The following CDH13 variants were observed in gnomAD, a reference collection of about 807,000 sequenced individuals.
CDH13 encodes the protein cadherin-13.
A neutral mutation model predicts 63.8 loss-of-function variants in CDH13; 24 were observed. The ratio of observed to expected loss-of-function variants is 0.38; its 90% CI spans 0.27 to 0.53. CDH13 has a LOEUF of 0.53. Among genes scored for constraint, CDH13 ranks in the 20% least tolerant of loss-of-function variants. CDH13 has a pLI of 0.85. For missense variants in CDH13, 1,049 were observed against 903.1 expected (o/e 1.16, Z -2.07); for synonymous variants, 503 against 355.3 (o/e 1.42, Z -4.67).
intron 6 of CDH13, among the ~76,000 whole-genome samples, chr16:83,381,693 A>G (rs2091570224): frequency 6.6e-6 from 1 of 151,912 alleles, no homozygotes. Flanking sequence ...ATTCCAAACC[A>G]AAGCTGCACA....
intron 2 of CDH13, among the ~76,000 whole-genome samples, chr16:82,963,657 G>A (rs946617795): frequency 1.1e-4 from 16 of 152,218 alleles, no homozygotes; most frequent in South Asian, 2.1e-4. Context: ...GGGAGAGAGC[G>A]CATATCTGCT....
At chr16:83,066,074 T>C (rs950951038) in intron 3 of CDH13, among the ~76,000 whole-genome samples, 1 of 152,234 alleles carries the variant, frequency 6.6e-6, no homozygotes, top group African/African-American at 2.4e-5. Flanking sequence ...TCATGGATTA[T>C]ATTGTGATTT....
rs138699525 is a variant in CDH13 at position 82,835,869 on chromosome 16, T to A, written c.46-22493T>A. 1.4e-4 allele frequency among the ~76,000 whole-genome samples: 21 copies of A among 152,268 alleles called. 1 individual carries two copies. In the South Asian group the frequency reaches 4.1e-3, roughly 30 times the overall value. ...TCAGTCTATGACAATAAAATGAATG[T>A]ATGTCTTGATCACACCAGGAAGTCT... is the stretch of plus-strand genomic sequence containing the variant. On this transcript the variant is annotated intron_variant, in intron 1 of 13. Transcript: ENST00000567109.
At chr16:83,729,226 T>A (rs1910773938) in intron 10 of CDH13, among the ~76,000 whole-genome samples, 1 of 152,196 alleles carries the variant, frequency 6.6e-6, no homozygotes, top group African/African-American at 2.4e-5. Context: ...ATTATTTATG[T>A]GCATATACAT....
chr16:83,368,660 C>G (rs1171781337), intron 6 of CDH13, among the ~76,000 whole-genome samples: 1 of 139,556 alleles, frequency 7.2e-6, no homozygotes, highest in Non-Finnish European at 1.6e-5. Flanking sequence ...AGTCTCGTAT[C>G]CGTTGCCATG....
intron 8 of CDH13, among the ~76,000 whole-genome samples, chr16:83,628,900 G>C (rs1910548827): frequency 6.6e-6 from 1 of 152,118 alleles, no homozygotes; most frequent in Non-Finnish European, 1.5e-5. Context: ...AATGCTTCTG[G>C]CTTTTAGAAT....
At chr16:82,722,911 T>C (rs1056010690) in intron 1 of CDH13, 5 of 152,238 alleles carry the variant, frequency 3.3e-5, no homozygotes, top group Non-Finnish European at 5.9e-5. Flanking sequence ...AAATGGCACC[T>C]GGGGCCAAGG....
chr16:83,527,486 G>C (rs1463890474), intron 7 of CDH13, among the ~76,000 whole-genome samples: 1 of 152,042 alleles, frequency 6.6e-6, no homozygotes, highest in Non-Finnish European at 1.5e-5. Flanking sequence ...TGGGAATTCA[G>C]ATACAAAAAG....
chr16:83,622,427 G>T (rs1176525204), intron 8 of CDH13, among the ~76,000 whole-genome samples: 1 of 152,160 alleles, frequency 6.6e-6, no homozygotes, highest in Non-Finnish European at 1.5e-5. Context: ...ACTCGGACGA[G>T]AAAGTCAAAA....
chr16:83,091,838 A>T (rs1431481078), intron 3 of CDH13, among the ~76,000 whole-genome samples: 4 of 152,198 alleles, frequency 2.6e-5, no homozygotes, highest in African/African-American at 9.7e-5. Flanking sequence ...TCATTTTTTA[A>T]AAGATCTAGA....
intron 1 of CDH13, among the ~76,000 whole-genome samples, chr16:82,696,365 G>T (rs1302418416): frequency 6.6e-6 from 1 of 152,148 alleles, no homozygotes; most frequent in Admixed American, 6.5e-5. Context: ...GTCAATGTAA[G>T]TTAATCAGAA....
At chr16:83,508,099 A>AAGGAAGGAAGGAAGGAAGGAAG (rs1491205296) in intron 7 of CDH13, among the ~76,000 whole-genome samples, 702 of 59,732 alleles carry the variant, frequency 0.012, 57 homozygotes, top group African/African-American at 0.019. Context: ...AAGGAAGGAA[A>AAGGAAGGAAGGAAGGAAGGAAG]GAAGGAAGGA....
intron 5 of CDH13, among the ~76,000 whole-genome samples, chr16:83,233,276 G>A (rs2040054343): frequency 6.6e-6 from 1 of 152,192 alleles, no homozygotes; most frequent in Non-Finnish European, 1.5e-5. Context: ...TATGCGTGAA[G>A]CCGACCCTTA....
intron 2 of CDH13, among the ~76,000 whole-genome samples, chr16:82,905,585 C>T (rs565503551): frequency 7.9e-5 from 12 of 152,162 alleles, no homozygotes; most frequent in African/African-American, 2.9e-4. Context: ...TTTCCTTAAC[C>T]AGTACTGTCT....
In CDH13 at chr16:83,016,917, G is replaced by T. The variant is rs377548631; in HGVS notation, c.158-15093G>T. Among the ~76,000 whole-genome samples, 45 of 152,160 alleles carry T rather than the reference G, an allele frequency of 3.0e-4. 1 individual carries two copies. The highest frequency in any genetic ancestry group is 5.9e-4 in the Non-Finnish European group (40 of 68,022). On this transcript the variant is annotated intron_variant, in intron 2 of 13. Transcript: ENST00000567109. ...TCTGAAGTCCTTGGATCAAATTTCT[G>T]TGCTGTTCTTTTCTCCTCCATGGTG... is the stretch of plus-strand genomic sequence containing the variant.
intron 5 of CDH13, among the ~76,000 whole-genome samples, chr16:83,272,792 G>A (rs986662410): frequency 6.6e-6 from 1 of 152,168 alleles, no homozygotes; most frequent in East Asian, 1.9e-4. Context: ...GAGTCAACGT[G>A]GGAAATGTGG....
At chr16:82,809,965 A>T (rs1383137252) in intron 1 of CDH13, among the ~76,000 whole-genome samples, 1 of 152,192 alleles carries the variant, frequency 6.6e-6, no homozygotes, top group African/African-American at 2.4e-5. Context: ...AAAACATGTC[A>T]GTTCATTCTC....
chr16:83,787,088 CATG>C (rs1358630284), intron 13 of CDH13, among the ~76,000 whole-genome samples: 2 of 152,226 alleles, frequency 1.3e-5, no homozygotes, highest in Non-Finnish European at 2.9e-5. Flanking sequence ...CACATTCACA[CATG>C]ACACATACAG....
chr16:83,457,207 C>A (rs1007751170), intron 6 of CDH13, among the ~76,000 whole-genome samples: 1 of 152,194 alleles, frequency 6.6e-6, no homozygotes, highest in Admixed American at 6.5e-5. Flanking sequence ...AGAGCACTGA[C>A]ACCTTACGGT....
Sources: allele counts gnomAD v4.1 joint callset (sites outside exome capture counted in the v4.1 genomes callset), GRCh38; gene constraint gnomAD v4.1.1; transcripts MANE v1.5; gene names NCBI Gene and HGNC (gene_info 2026-07-23, HGNC 2026-07-21).